Variants in ZMYND11 observed in about 807,000 individuals in gnomAD.
ZMYND11 encodes the protein zinc finger MYND domain-containing protein 11.
A neutral mutation model predicts 84.9 loss-of-function variants in ZMYND11; 9 were observed. That is an observed-to-expected ratio of 0.11 (90% CI 0.06 to 0.18). The LOEUF (loss-of-function observed/expected upper bound fraction) is 0.18, where lower values mean the gene tolerates loss of function less well. Ranked by LOEUF, ZMYND11 falls within the 10% of genes least tolerant of loss-of-function variation. The probability of loss-of-function intolerance (pLI) is 1.00; values close to 1 mark genes in which losing one functional copy is unlikely to be tolerated. For synonymous variants in ZMYND11, 250 were observed against 244.1 expected, an observed-to-expected ratio of 1.02 and a Z score of -0.23; for missense variants, 409 against 761.0, an observed-to-expected ratio of 0.54 and a Z score of 5.44.
Position 194,630 on chromosome 10 carries a change from G to A in ZMYND11, c.116+14502G>A, listed in dbSNP as rs930925727. The stretch of plus-strand genomic sequence containing the variant: ...GAGTCATTCCGCTCGATTTATACTA[G>A]CATCTCATGGTGGTTGAAATTTGCA... On this transcript the variant is annotated intron_variant, in intron 2 of 14. Transcript: ENST00000381604. Among the ~76,000 whole-genome samples the A allele has an allele frequency of 3.3e-5, 5 of 152,166 alleles. No homozygotes were observed. In the South Asian group the frequency reaches 6.2e-4, roughly 19 times the overall value.
chr10:157,801 G>A (rs1249287258), intron 1 of ZMYND11, among the ~76,000 whole-genome samples: 3 of 152,264 alleles, frequency 2.0e-5, no homozygotes, highest in East Asian at 1.9e-4. Context: ...TATTGTAGCC[G>A]TTACCACCGT....
At chr10:231,772 GTTA>G (rs1386975418) in intron 4 of ZMYND11, among the ~76,000 whole-genome samples, 1 of 152,174 alleles carries the variant, frequency 6.6e-6, no homozygotes, top group Admixed American at 6.5e-5. Flanking sequence ...CAAATTTTCT[GTTA>G]TTTTTTTCTT....
intron 3 of ZMYND11, among the ~76,000 whole-genome samples, chr10:220,480 T>A (rs1178417062): frequency 6.6e-6 from 1 of 152,220 alleles, no homozygotes; most frequent in African/African-American, 2.4e-5. Flanking sequence ...TGTTGAAGAA[T>A]GCCTGTGTAC....
At chr10:197,048 C>T (rs1941941356) in intron 2 of ZMYND11, among the ~76,000 whole-genome samples, 1 of 148,394 alleles carries the variant, frequency 6.7e-6, no homozygotes, top group African/African-American at 2.5e-5. Context: ...CGTGTGTGCC[C>T]ACGTGCGCAA....
chr10:229,886 C>T (rs1035234420), intron 4 of ZMYND11, among the ~76,000 whole-genome samples: 7 of 152,032 alleles, frequency 4.6e-5, no homozygotes, highest in Admixed American at 1.3e-4. Context: ...TGGGCCTAGA[C>T]GATATTACAG....
intron 2 of ZMYND11, among the ~76,000 whole-genome samples, chr10:201,209 G>A (rs892946685): frequency 3.3e-5 from 5 of 152,126 alleles, no homozygotes. Context: ...TGTTTATCCA[G>A]ATTACCTAGA....
intron 3 of ZMYND11, chr10:218,473 T>TA (rs1946565065): frequency 2.5e-6 from 1 of 392,734 alleles, no homozygotes; most frequent in Non-Finnish European, 5.1e-6. Flanking sequence ...TATGCAGCCT[T>TA]TCTCCAGGAC....
chr10:157,839 A>G (rs1842058072), intron 1 of ZMYND11, among the ~76,000 whole-genome samples: 1 of 152,178 alleles, frequency 6.6e-6, no homozygotes, highest in Non-Finnish European at 1.5e-5. Context: ...TCACTACCCC[A>G]AAAAGAAACC....
chr10:225,889 AG>A lies in ZMYND11; in HGVS notation c.438+4534del, dbSNP rs533802619. Reference sequence around the variant, plus strand: ...CTGCTGGGGTGGCACATTGCCTTGTAGAGCAGGGCTGTTCGAGAGCTTCTTT... The same window carrying A: ...CTGCTGGGGTGGCACATTGCCTTGTAAGCAGGGCTGTTCGAGAGCTTCTTT... On this transcript the variant is annotated intron_variant, in intron 4 of 14. Transcript: ENST00000381604. Among the ~76,000 whole-genome samples the A allele has an allele frequency of 9.8e-4, 149 of 152,276 alleles. 2 individuals are homozygous for A. Among genetic ancestry groups the A allele is most frequent in the Admixed American group, 9.7e-3 (148 of 15,300 alleles).
At chr10:225,959 C>A (rs990241416) in intron 4 of ZMYND11, among the ~76,000 whole-genome samples, 1 of 152,180 alleles carries the variant, frequency 6.6e-6, no homozygotes, top group Non-Finnish European at 1.5e-5. Flanking sequence ...GAGCCACTGA[C>A]CTTGTGTGTC....
In ZMYND11 at chr10:248,943, A is replaced by G. The variant is rs757933004; in HGVS notation, c.1541A>G (p.Asn514Ser). 5 of 1,614,088 alleles carry G rather than the reference A, an allele frequency of 3.1e-6. No homozygotes were observed. In the South Asian group the frequency reaches 5.5e-5, roughly 18 times the overall value. The change falls in exon 14 of 15, where the codon AAT becomes AGT. Residue 514 changes from asparagine to serine, a missense_variant. Asn to Ser is a conservative substitution (Grantham distance 46, BLOSUM62 1). Around this residue, in one of 7 missense-constraint regions of ZMYND11, gnomAD observed 141 missense variants for 173.8 expected, o/e 0.81. Coordinates refer to ENST00000381604, the MANE Select transcript of ZMYND11 (RefSeq NM_001370100.5). ...GAAGAAGAAAAGAGACAAGCTGTAA[A>G]TAAAGCTGTAGCCAACATGCAGGGT... is the stretch of plus-strand genomic sequence containing the variant. ...EMEEEKRQAV[N>S]KAVANMQGEM...
chr10:162,333 CTG>C (rs1258375325), intron 1 of ZMYND11, among the ~76,000 whole-genome samples: 1 of 152,094 alleles, frequency 6.6e-6, no homozygotes, highest in African/African-American at 2.4e-5. Context: ...ATGGAAAAGT[CTG>C]AAATATTGTG....
chr10:146,566 T>C (rs1376356793), intron 1 of ZMYND11, among the ~76,000 whole-genome samples: 1 of 152,234 alleles, frequency 6.6e-6, no homozygotes, highest in Non-Finnish European at 1.5e-5. Flanking sequence ...GTGGTTCTCC[T>C]TGTAGCAATC....
chr10:236,580 C>T (rs1246230237), intron 4 of ZMYND11, among the ~76,000 whole-genome samples: 1 of 151,650 alleles, frequency 6.6e-6, no homozygotes, highest in Non-Finnish European at 1.5e-5. Context: ...TTTAAAATAC[C>T]AAGAAAAGAA....
intron 2 of ZMYND11, among the ~76,000 whole-genome samples, chr10:190,437 GC>G (rs1281315184): frequency 6.6e-6 from 1 of 152,142 alleles, no homozygotes; most frequent in Non-Finnish European, 1.5e-5. Context: ...GCTCTCGCAG[GC>G]CCTCAGATCT....
intron 4 of ZMYND11, among the ~76,000 whole-genome samples, chr10:229,723 ATGGG>A: frequency 6.6e-6 from 1 of 152,334 alleles, no homozygotes; most frequent in Admixed American, 6.5e-5. Context: ...ATTTTCACTG[ATGGG>A]CTACTTGAGT....
chr10:243,133 G>A (rs1358895775), intron 10 of ZMYND11, among the ~76,000 whole-genome samples: 2 of 152,148 alleles, frequency 1.3e-5, no homozygotes, highest in African/African-American at 4.8e-5. Flanking sequence ...TTGCTTCACT[G>A]TCTTCTACCC....
intron 4 of ZMYND11, among the ~76,000 whole-genome samples, chr10:235,670 C>T (rs903967581): frequency 1.3e-5 from 2 of 152,152 alleles, no homozygotes; most frequent in Non-Finnish European, 2.9e-5. Flanking sequence ...AAGAACTGCT[C>T]TGTAATTGGC....
At chr10:159,947 T>C (rs1455758096) in intron 1 of ZMYND11, among the ~76,000 whole-genome samples, 2 of 152,214 alleles carry the variant, frequency 1.3e-5, no homozygotes, top group African/African-American at 4.8e-5. Context: ...GTTTTACCTC[T>C]TTTTTCCAGT....
Sources: allele counts gnomAD v4.1 joint callset (sites outside exome capture counted in the v4.1 genomes callset), GRCh38; gene constraint gnomAD v4.1.1; regional missense constraint gnomAD v4.1.1; transcripts MANE v1.5; gene names NCBI Gene and HGNC (gene_info 2026-07-23, HGNC 2026-07-21).